RPH3A: variants seen among roughly 807,000 people sequenced by gnomAD.
RPH3A encodes rabphilin 3A.
In RPH3A, 48 loss-of-function variants were observed where a neutral mutation model predicts 102.2. That is an observed-to-expected ratio of 0.47 (90% CI 0.37 to 0.60). The LOEUF is 0.60. Among genes scored for constraint, RPH3A ranks in the 20% least tolerant of loss-of-function variants. The pLI is 0.00. For missense variants in RPH3A, 781 were observed against 910.1 expected, an observed-to-expected ratio of 0.86 and a Z score of 1.83; for synonymous variants, 310 against 324.3, an observed-to-expected ratio of 0.96 and a Z score of 0.47.
intron 16 of RPH3A, 108 bp from the exon 17 acceptor site, chr12:112,887,689 C>T (rs2043026028): frequency 8.4e-7 from 1 of 1,195,694 alleles, no homozygotes; most frequent in Non-Finnish European, 1.2e-6. Context: ...CATATTATTT[C>T]CACATACATT....
chr12:112,831,736 T>C (rs989122473), intron 3 of RPH3A: 5 of 455,530 alleles, frequency 1.1e-5, no homozygotes, highest in African/African-American at 4.0e-5. Context: ...TTATCCCTTG[T>C]TCTTGAAGGT....
At chr12:112,760,679 G>A (rs1342721272) in intron 1 of RPH3A, among the ~76,000 whole-genome samples, 1 of 152,220 alleles carries the variant, frequency 6.6e-6, no homozygotes, top group Non-Finnish European at 1.5e-5. Context: ...TCAGTGGCAT[G>A]GGAATCCAGG....
intron 1 of RPH3A, among the ~76,000 whole-genome samples, chr12:112,685,362 C>G (rs2040256177): frequency 6.6e-6 from 1 of 152,156 alleles, no homozygotes; most frequent in Non-Finnish European, 1.5e-5. Flanking sequence ...GGGGAGACAC[C>G]TATATTCAAC....
At chr12:112,661,744 G>A (rs2040049733) in intron 1 of RPH3A, among the ~76,000 whole-genome samples, 1 of 152,122 alleles carries the variant, frequency 6.6e-6, no homozygotes, top group Non-Finnish European at 1.5e-5. Flanking sequence ...ATTCCCTTAA[G>A]AGTGGATGTG....
intron 1 of RPH3A, among the ~76,000 whole-genome samples, chr12:112,604,714 G>T (rs1401467558): frequency 1.3e-5 from 2 of 152,212 alleles, no homozygotes; most frequent in Non-Finnish European, 2.9e-5. Flanking sequence ...CTCTCATGAG[G>T]TTGTAGTCAG....
chr12:112,784,899 C>T (rs11616091), intron 1 of RPH3A, among the ~76,000 whole-genome samples: 4,081 of 152,306 alleles, frequency 0.027, 69 homozygotes, highest in Middle Eastern at 0.031. Context: ...TTTTGGTACT[C>T]ACTGGCTTAA....
rs1342945269 is a variant in RPH3A, at chr12:112,865,446, A to G, written c.263A>G (p.Lys88Arg). 8 of 1,613,948 alleles carry G rather than the reference A, an allele frequency of 5.0e-6. No individual in the cohort carries two copies. The highest frequency in any genetic ancestry group is 6.8e-6 in the Non-Finnish European group (8 of 1,179,984). Residue 88 changes from lysine to arginine, a missense_variant, in exon 6 of 22, where the codon AAG (lysine) becomes AGG (arginine). This residue lies in a region of RPH3A where 730 missense variants were observed against 810.0 expected (regional missense o/e 0.90). Transcript: ENST00000389385. ...RLVDRLENMRKNVAGDGVNRC... is the reference protein window; with the variant it reads ...RLVDRLENMRRNVAGDGVNRC... ...GTGGACCGCCTAGAAAACATGAGGA[A>G]GAACGTGGCTGGAGATGGGGTGAAC... is the stretch of plus-strand genomic sequence containing the variant.
chr12:112,778,635 A>AT (rs2040985292), intron 1 of RPH3A, among the ~76,000 whole-genome samples: 1 of 152,210 alleles, frequency 6.6e-6, no homozygotes, highest in Admixed American at 6.5e-5. Flanking sequence ...AGGTGCTCAT[A>AT]TAATGGCGTC....
rs555112494 is a variant in RPH3A at position 112,851,700 on chromosome 12, C to T, written c.230+3858C>T. On this transcript the variant is annotated intron_variant, in intron 5 of 21. Coordinates refer to ENST00000389385, the MANE Select transcript of RPH3A (RefSeq NM_001143854.2). Reference sequence around the variant, plus strand: ...GCCAGGAGGAATCTAAATCTTCACTCACCACTCAGTTCACAACCCAGCTCT... The same window carrying T: ...GCCAGGAGGAATCTAAATCTTCACTTACCACTCAGTTCACAACCCAGCTCT... Among the ~76,000 whole-genome samples, 3 of 152,308 alleles carry T rather than the reference C, an allele frequency of 2.0e-5. No individual in the cohort carries two copies. The South Asian group carries it at 6.2e-4, about 32-fold the overall frequency.
chr12:112,874,924 A>T, intron 10 of RPH3A, 160 bp from the exon 11 acceptor site: 1 of 593,262 alleles, frequency 1.7e-6, no homozygotes, highest in Non-Finnish European at 3.0e-6. Flanking sequence ...GAAAGAACAC[A>T]CTGAAGGCAG....
chr12:112,799,919 C>T (rs1044861340), intron 2 of RPH3A, among the ~76,000 whole-genome samples: 1 of 152,168 alleles, frequency 6.6e-6, no homozygotes, highest in Non-Finnish European at 1.5e-5. Context: ...AGTGTTGATG[C>T]TGCTGGCCCA....
chr12:112,861,645 G>A (rs901250250), intron 5 of RPH3A, among the ~76,000 whole-genome samples: 6 of 152,194 alleles, frequency 3.9e-5, no homozygotes, highest in African/African-American at 1.4e-4. Flanking sequence ...TAATCTTTCT[G>A]TGTCTCAGTT....
At chr12:112,776,873 C>CAAAAAAAAAAAAAA (rs548377186) in intron 1 of RPH3A, among the ~76,000 whole-genome samples, 16 of 73,920 alleles carry the variant, frequency 2.2e-4, no homozygotes, top group East Asian at 1.7e-3. Context: ...GACTCCATCT[C>CAAAAAAAAAAAAAA]AAAAAAAAAA....
At chr12:112,841,914 GTC>G in intron 4 of RPH3A, 1 of 455,872 alleles carries the variant, frequency 2.2e-6, no homozygotes. Context: ...CTGTCCGTCT[GTC>G]TCTCTGTCTC....
chr12:112,613,842 A>G (rs895142731), intron 1 of RPH3A, among the ~76,000 whole-genome samples: 1 of 151,964 alleles, frequency 6.6e-6, no homozygotes, highest in African/African-American at 2.4e-5. Flanking sequence ...TACTCAGGAG[A>G]CTGAGGCGAG....
intron 1 of RPH3A, among the ~76,000 whole-genome samples, chr12:112,737,605 T>A (rs534801277): frequency 1.3e-5 from 2 of 152,144 alleles, no homozygotes; most frequent in Admixed American, 1.3e-4. Flanking sequence ...ATCCTGCAGT[T>A]TTTTTCCCCT....
intron 1 of RPH3A, among the ~76,000 whole-genome samples, chr12:112,719,368 T>C (rs1178837900): frequency 6.6e-6 from 1 of 152,166 alleles, no homozygotes; most frequent in Admixed American, 6.5e-5. Context: ...TCTGAGTCAA[T>C]GTAGAACGCA....
chr12:112,667,385 G>C (rs2040091337), intron 1 of RPH3A, among the ~76,000 whole-genome samples: 1 of 151,980 alleles, frequency 6.6e-6, no homozygotes. Context: ...CTCCCACCCT[G>C]GACCCTTTTT....
intron 1 of RPH3A, among the ~76,000 whole-genome samples, chr12:112,624,532 A>G (rs1294779109): frequency 6.7e-6 from 1 of 150,116 alleles, no homozygotes; most frequent in African/African-American, 2.4e-5. Context: ...TGAATAGACC[A>G]ATAACAGGAG....
Sources: allele counts gnomAD v4.1 joint callset (sites outside exome capture counted in the v4.1 genomes callset), GRCh38; gene constraint gnomAD v4.1.1; regional missense constraint gnomAD v4.1.1; transcripts MANE v1.5; gene names NCBI Gene and HGNC (gene_info 2026-07-23, HGNC 2026-07-21).